SAMD12: variants seen among roughly 807,000 people sequenced by gnomAD.
SAMD12 encodes sterile alpha motif domain containing 12.
A neutral mutation model predicts 15.0 loss-of-function variants in SAMD12; 9 were observed. The ratio of observed to expected loss-of-function variants is 0.60; its 90% CI spans 0.36 to 1.05. SAMD12 has a LOEUF of 1.05. SAMD12 is among the 50% of genes least tolerant of loss of function. The pLI is 0.01. For synonymous variants in SAMD12, 86 were observed against 90.1 expected, an observed-to-expected ratio of 0.96 and a Z score of 0.25; for missense variants, 230 against 234.2, an observed-to-expected ratio of 0.98 and a Z score of 0.12.
intron 1 of SAMD12, among the ~76,000 whole-genome samples, chr8:118,615,097 G>A (rs554801197): frequency 7.9e-5 from 12 of 152,240 alleles, no homozygotes; most frequent in Admixed American, 2.6e-4. Context: ...CTCCCCATTC[G>A]TTTTCCTTCC....
At chr8:118,530,598 T>C (rs1825658754) in intron 2 of SAMD12, among the ~76,000 whole-genome samples, 1 of 152,228 alleles carries the variant, frequency 6.6e-6, no homozygotes, top group Non-Finnish European at 1.5e-5. Flanking sequence ...CTCTGTATAT[T>C]AGTTCTTTGT....
intron 2 of SAMD12, among the ~76,000 whole-genome samples, chr8:118,509,785 C>A (rs1450790711): frequency 6.6e-6 from 1 of 152,122 alleles, no homozygotes; most frequent in Non-Finnish European, 1.5e-5. Flanking sequence ...TCACATGTGT[C>A]CTAAATATCC....
chr8:118,244,663 G>T lies in SAMD12; in HGVS notation c.434-46931C>A, dbSNP rs1397207965. On this transcript the variant is annotated intron_variant, in intron 4 of 4. Coordinates refer to the SAMD12 transcript ENST00000409003. ...CTGAAAGAGGGAACCATCTTTGTTG[G>T]ATAAAATTTTGTGATGAGCTCTACA... 3.3e-5 allele frequency among the ~76,000 whole-genome samples: 5 copies of T among 152,160 alleles called. No homozygotes were observed. The East Asian group carries it at 9.7e-4, about 30-fold the overall frequency.
At chr8:118,486,174 G>C (rs1824272888) in intron 2 of SAMD12, among the ~76,000 whole-genome samples, 1 of 152,132 alleles carries the variant, frequency 6.6e-6, no homozygotes, top group Non-Finnish European at 1.5e-5. Flanking sequence ...CAGCACTTTG[G>C]GAGGCCAAGG....
the SAMD12 span, among the ~76,000 whole-genome samples, chr8:118,151,839 G>GA: frequency 0.73 from 100,544 of 138,610 alleles, 37,145 homozygotes; most frequent in Non-Finnish European, 0.83. Context: ...CAAAAAAAAA[G>GA]AAAAAAAAAA....
intron 4 of SAMD12, among the ~76,000 whole-genome samples, chr8:118,230,012 A>G (rs2129916745): frequency 6.6e-6 from 1 of 152,266 alleles, no homozygotes; most frequent in African/African-American, 2.4e-5. Flanking sequence ...ATTAAAAAAA[A>G]GAAAACTGAG....
At chr8:118,364,666 G>T (rs375335176) in intron 4 of SAMD12, among the ~76,000 whole-genome samples, 17 of 152,242 alleles carry the variant, frequency 1.1e-4, no homozygotes, top group Admixed American at 6.5e-4. Flanking sequence ...GGTCTAATTT[G>T]TCAGGTTCAA....
At chr8:118,365,631 C>T (rs568838425) in intron 4 of SAMD12, among the ~76,000 whole-genome samples, 109 of 152,108 alleles carry the variant, frequency 7.2e-4, no homozygotes, top group East Asian at 2.5e-3. Context: ...CCGGTTCTTC[C>T]GCTTGTAGAT....
At chr8:118,225,622 A>G (rs1812173275) in intron 4 of SAMD12, among the ~76,000 whole-genome samples, 1 of 152,238 alleles carries the variant, frequency 6.6e-6, no homozygotes, top group Non-Finnish European at 1.5e-5. Flanking sequence ...AGTCTCCAAA[A>G]GAGCATGTTA....
intron 2 of SAMD12, among the ~76,000 whole-genome samples, chr8:118,445,226 C>T (rs1322321216): frequency 6.6e-6 from 1 of 152,126 alleles, no homozygotes; most frequent in Non-Finnish European, 1.5e-5. Context: ...AATGCTCATT[C>T]ACCCAAAAAA....
At chr8:118,316,180 G>C (rs1815889989) in intron 4 of SAMD12, among the ~76,000 whole-genome samples, 1 of 151,984 alleles carries the variant, frequency 6.6e-6, no homozygotes, top group Non-Finnish European at 1.5e-5. Flanking sequence ...GGTTTGCAAG[G>C]GAGGTGGTGT....
chr8:118,589,955 T>C (rs1827543252), intron 1 of SAMD12, among the ~76,000 whole-genome samples: 1 of 152,120 alleles, frequency 6.6e-6, no homozygotes, highest in Non-Finnish European at 1.5e-5. Context: ...ACATTATATA[T>C]GAGACAAACA....
chr8:118,547,528 A>G (rs895567362), intron 2 of SAMD12, among the ~76,000 whole-genome samples: 1 of 152,170 alleles, frequency 6.6e-6, no homozygotes, highest in Non-Finnish European at 1.5e-5. Flanking sequence ...AGATTCTTGC[A>G]CCTTACACAG....
intron 2 of SAMD12, among the ~76,000 whole-genome samples, chr8:118,545,798 A>C (rs1826108044): frequency 2.0e-5 from 3 of 152,242 alleles, no homozygotes; most frequent in African/African-American, 7.2e-5. Flanking sequence ...AACAGATGAA[A>C]TATAGTTAAC....
At chr8:118,194,717 T>C (rs1369425997) in exon 5 of SAMD12, 1 of 152,130 alleles carries the variant, frequency 6.6e-6, no homozygotes, top group Non-Finnish European at 1.5e-5. Context: ...ACCACAACTA[T>C]TTCTGGATTT....
intron 1 of SAMD12, among the ~76,000 whole-genome samples, chr8:118,581,262 A>G (rs1005040865): frequency 6.6e-6 from 1 of 152,162 alleles, no homozygotes; most frequent in Non-Finnish European, 1.5e-5. Context: ...CTCTACCTCC[A>G]TCTGAAAAGT....
intron 3 of SAMD12, among the ~76,000 whole-genome samples, chr8:118,393,452 G>C (rs2130762578): frequency 6.6e-6 from 1 of 151,888 alleles, no homozygotes; most frequent in East Asian, 1.9e-4. Flanking sequence ...ATGCTGCCCG[G>C]ACTGATCTCA....
At chr8:118,214,517 G>A (rs17507494) in intron 4 of SAMD12, among the ~76,000 whole-genome samples, 1 of 152,212 alleles carries the variant, frequency 6.6e-6, no homozygotes, top group Non-Finnish European at 1.5e-5. Context: ...AGCTAAAGAG[G>A]CTTAAGGAAA....
rs1586698214 is a variant in SAMD12 at position 118,419,753 on chromosome 8, T to C, written c.322+20079A>G. ...GTGGAAGTTTTAAGGTTAAGATCCT[T>C]ATGGAATAACTACAGCAGTCCTATC... On this transcript the variant is annotated intron_variant, in intron 3 of 3. Coordinates refer to ENST00000314727, the MANE Select transcript of SAMD12 (RefSeq NM_207506.3). Among the ~76,000 whole-genome samples the C allele has an allele frequency of 2.0e-5, 3 of 152,178 alleles. No homozygotes were observed. The South Asian group carries it at 6.2e-4, about 32-fold the overall frequency.
Sources: allele counts gnomAD v4.1 joint callset (sites outside exome capture counted in the v4.1 genomes callset), GRCh38; gene constraint gnomAD v4.1.1; transcripts MANE v1.5; gene names NCBI Gene and HGNC (gene_info 2026-07-23, HGNC 2026-07-21).